The following MACROD2 variants were observed in gnomAD, a reference collection of about 807,000 sequenced individuals.
MACROD2 encodes the protein ADP-ribose glycohydrolase MACROD2.
Under a neutral mutation model 70.4 loss-of-function variants are expected in MACROD2, and 36 were observed. The observed-to-expected ratio is 0.51, with a 90% CI of 0.39 to 0.68. The LOEUF (loss-of-function observed/expected upper bound fraction) is 0.68. Among genes scored for constraint, MACROD2 ranks in the 30% least tolerant of loss-of-function variants. The pLI is 0.00. For synonymous variants in MACROD2, 172 were observed against 178.8 expected, an observed-to-expected ratio of 0.96 and a Z score of 0.30; for missense variants, 496 against 538.4, an observed-to-expected ratio of 0.92 and a Z score of 0.78.
chr20:14,808,071 T>G (rs559669940), intron 5 of MACROD2, among the ~76,000 whole-genome samples: 1 of 152,070 alleles, frequency 6.6e-6, no homozygotes, highest in African/African-American at 2.4e-5. Flanking sequence ...AGGCCAACAT[T>G]CAAATTCAGG....
chr20:14,272,330 G>A (rs1412134357), intron 3 of MACROD2, among the ~76,000 whole-genome samples: 3 of 152,094 alleles, frequency 2.0e-5, no homozygotes, highest in Non-Finnish European at 2.9e-5. Flanking sequence ...AGACAGTGGA[G>A]GGCAATATTC....
chr20:15,575,619 A>T (rs1384489335), intron 8 of MACROD2, among the ~76,000 whole-genome samples: 1 of 152,196 alleles, frequency 6.6e-6, no homozygotes, highest in Non-Finnish European at 1.5e-5. Context: ...GCACTGATTT[A>T]TGAAAGGCAT....
chr20:15,738,497 G>A (rs2051058152), intron 8 of MACROD2, among the ~76,000 whole-genome samples: 1 of 152,026 alleles, frequency 6.6e-6, no homozygotes, highest in Non-Finnish European at 1.5e-5. Context: ...TAAGTAAGAA[G>A]GAAGCACACT....
At chr20:15,080,553 G>A (rs2075695553) in intron 5 of MACROD2, among the ~76,000 whole-genome samples, 1 of 152,038 alleles carries the variant, frequency 6.6e-6, no homozygotes. Context: ...CCAGGGCTCA[G>A]TTCTTGGACC....
chr20:14,075,369 C>T (rs1421667575), intron 2 of MACROD2, among the ~76,000 whole-genome samples: 2 of 152,146 alleles, frequency 1.3e-5, no homozygotes, highest in African/African-American at 4.8e-5. Context: ...TGTGTTCTGA[C>T]TGACAACAGC....
chr20:14,401,082 T>G lies in MACROD2; in HGVS notation c.272-92397T>G, dbSNP rs566194863. On this transcript the variant is annotated intron_variant, in intron 3 of 17. Transcript: ENST00000684519. ...TGCCTAATTCTATCAAAAACTAATTTTCGTGTTCTTCAAATCAATTAATCA... is the reference window on the plus strand; with the variant it reads ...TGCCTAATTCTATCAAAAACTAATTGTCGTGTTCTTCAAATCAATTAATCA... Among the ~76,000 whole-genome samples the G allele has an allele frequency of 2.6e-5, 4 of 152,292 alleles. No homozygotes were observed. In the East Asian group the frequency reaches 7.7e-4, roughly 29 times the overall value.
intron 6 of MACROD2, among the ~76,000 whole-genome samples, chr20:15,372,789 T>C (rs1020952341): frequency 2.0e-5 from 3 of 152,180 alleles, no homozygotes; most frequent in Admixed American, 6.5e-5. Context: ...CGATAATGCA[T>C]GTCTGTAATC....
chr20:14,474,703 C>A (rs2084570007), intron 3 of MACROD2, among the ~76,000 whole-genome samples: 1 of 152,026 alleles, frequency 6.6e-6, no homozygotes, highest in Admixed American at 6.5e-5. Flanking sequence ...CCTATATAGA[C>A]CCCTTTATCA....
chr20:15,109,429 C>T (rs1386902366), intron 5 of MACROD2, among the ~76,000 whole-genome samples: 3 of 152,090 alleles, frequency 2.0e-5, no homozygotes, highest in Admixed American at 1.3e-4. Context: ...ATTGTCCAAT[C>T]AGTTATTTTT....
intron 8 of MACROD2, among the ~76,000 whole-genome samples, chr20:15,800,221 C>G: frequency 6.6e-6 from 1 of 152,132 alleles, no homozygotes; most frequent in Non-Finnish European, 1.5e-5. Context: ...ATATTTTCTT[C>G]CATTCTGTAA....
At chr20:15,031,611 C>T (rs769240397) in intron 5 of MACROD2, among the ~76,000 whole-genome samples, 4 of 152,236 alleles carry the variant, frequency 2.6e-5, no homozygotes, top group Non-Finnish European at 2.9e-5. Flanking sequence ...CAGGCCATCC[C>T]GACTAAGTGG....
chr20:15,319,755 C>T (rs2077853176), intron 6 of MACROD2, among the ~76,000 whole-genome samples: 1 of 152,124 alleles, frequency 6.6e-6, no homozygotes, highest in South Asian at 2.1e-4. Flanking sequence ...TTGTGGTATA[C>T]AATGGAATAT....
intron 10 of MACROD2, among the ~76,000 whole-genome samples, chr20:15,901,637 A>G (rs1287522432): frequency 2.6e-5 from 4 of 152,322 alleles, no homozygotes; most frequent in South Asian, 2.1e-4. Context: ...TCAACCTACA[A>G]TGGGTTTATC....
chr20:14,999,561 G>A (rs1217762583), intron 5 of MACROD2, among the ~76,000 whole-genome samples: 2 of 152,238 alleles, frequency 1.3e-5, no homozygotes, highest in East Asian at 1.9e-4. Flanking sequence ...TGAAAGGATC[G>A]CTTGAGCCCA....
chr20:15,955,275 A>T (rs192486698), intron 12 of MACROD2, among the ~76,000 whole-genome samples: 16 of 152,306 alleles, frequency 1.1e-4, no homozygotes, highest in Admixed American at 6.5e-4. Flanking sequence ...TTCGTTGCTG[A>T]CACACAGTCC....
At chr20:15,437,037 A>C (rs115701381) in intron 7 of MACROD2, among the ~76,000 whole-genome samples, 1 of 152,124 alleles carries the variant, frequency 6.6e-6, no homozygotes, top group Non-Finnish European at 1.5e-5. Flanking sequence ...GGCACTTTCT[A>C]TATCTCCATA....
intron 5 of MACROD2, among the ~76,000 whole-genome samples, chr20:14,877,323 A>G (rs2073562034): frequency 6.6e-6 from 1 of 152,010 alleles, no homozygotes; most frequent in Admixed American, 6.6e-5. Context: ...AAACTTTGCT[A>G]AAGTCATTGT....
chr20:15,597,851 G>A (rs747155439), intron 8 of MACROD2, among the ~76,000 whole-genome samples: 2 of 152,228 alleles, frequency 1.3e-5, no homozygotes, highest in Non-Finnish European at 2.9e-5. Context: ...GGCTGAGGCA[G>A]GTGGATCACC....
chr20:15,766,196 A>C (rs1219196806), intron 8 of MACROD2, among the ~76,000 whole-genome samples: 1 of 152,182 alleles, frequency 6.6e-6, no homozygotes, highest in Non-Finnish European at 1.5e-5. Flanking sequence ...AGTTCTGCTC[A>C]TCACAAGCCA....
Sources: allele counts gnomAD v4.1 joint callset (sites outside exome capture counted in the v4.1 genomes callset), GRCh38; gene constraint gnomAD v4.1.1; transcripts MANE v1.5; gene names NCBI Gene and HGNC (gene_info 2026-07-23, HGNC 2026-07-21).